SORCS1: variants seen among roughly 807,000 people sequenced by gnomAD.
SORCS1 encodes the protein VPS10 domain-containing receptor SorCS1.
Under a neutral mutation model 146.1 loss-of-function variants are expected in SORCS1, and 60 were observed. The ratio of observed to expected loss-of-function variants is 0.41; its 90% CI spans 0.33 to 0.51. The LOEUF is 0.51. Ranked by LOEUF, SORCS1 falls within the 20% of genes least tolerant of loss-of-function variation. SORCS1 has a pLI of 0.21. For synonymous variants in SORCS1, 637 were observed against 584.0 expected (o/e 1.09, Z -1.31); for missense variants, 1,352 against 1,487.6 (o/e 0.91, Z 1.50).
At chr10:106,668,429 C>T (rs1003068776) in intron 16 of SORCS1, among the ~76,000 whole-genome samples, 15 of 152,188 alleles carry the variant, frequency 9.9e-5, no homozygotes, top group Non-Finnish European at 1.3e-4. Flanking sequence ...CTCTCTACTT[C>T]GGAAATAGCC....
chr10:106,819,100 T>C (rs558735918), intron 3 of SORCS1, among the ~76,000 whole-genome samples: 9 of 152,326 alleles, frequency 5.9e-5, no homozygotes, highest in South Asian at 2.1e-4. Context: ...GGCATGGCCA[T>C]ATAATTTGGA....
chr10:106,885,434 G>C (rs879577029), intron 2 of SORCS1, among the ~76,000 whole-genome samples: 4 of 152,144 alleles, frequency 2.6e-5, no homozygotes, highest in Non-Finnish European at 4.4e-5. Context: ...CTGAAGAAAA[G>C]AATTCATGGC....
chr10:106,962,826 T>C (rs904828088), intron 1 of SORCS1, among the ~76,000 whole-genome samples: 2 of 152,148 alleles, frequency 1.3e-5, no homozygotes, highest in African/African-American at 2.4e-5. Context: ...AACAACCATA[T>C]TGAAGATGCC....
chr10:106,814,081 C>T (rs540115553), intron 3 of SORCS1, among the ~76,000 whole-genome samples: 6 of 152,174 alleles, frequency 3.9e-5, no homozygotes, highest in Non-Finnish European at 8.8e-5. Flanking sequence ...TTCCTAGAAA[C>T]CAGTACTGAG....
rs766818370 is a variant in SORCS1, at chr10:106,970,336, C to CTTT, written c.559-13759_559-13757dup. Among the ~76,000 whole-genome samples the CTTT allele has an allele frequency of 6.4e-4, 57 of 89,422 alleles. 5 individuals carry two copies. The highest frequency in any genetic ancestry group is 1.1e-3 in the African/African-American group (20 of 18,458). The allele number at this position is 89,422 out of a possible 152,430, so 58.7% of individuals were successfully genotyped here. On this transcript the variant is annotated intron_variant, in intron 1 of 25. Transcript: ENST00000263054. ...TTCCCTCCAAATGTAACCAACATCT[C>CTTT]TTTTTTTTTTTTTTTTTTTGAGATG... is the stretch of plus-strand genomic sequence containing the variant.
At chr10:106,749,855 G>C (rs1417085494) in intron 5 of SORCS1, among the ~76,000 whole-genome samples, 1 of 152,052 alleles carries the variant, frequency 6.6e-6, no homozygotes, top group Non-Finnish European at 1.5e-5. Flanking sequence ...ACTCTTATGA[G>C]GACCATTTTA....
At chr10:106,701,235 A>T (rs1854118556) in intron 8 of SORCS1, among the ~76,000 whole-genome samples, 1 of 152,152 alleles carries the variant, frequency 6.6e-6, no homozygotes, top group African/African-American at 2.4e-5. Context: ...CACAGGTCCA[A>T]GTGTATGGAT....
At chr10:107,151,846 T>TG (rs1033186856) in intron 1 of SORCS1, among the ~76,000 whole-genome samples, 13 of 152,152 alleles carry the variant, frequency 8.5e-5, no homozygotes, top group Non-Finnish European at 1.3e-4. Context: ...AGAGAAATTC[T>TG]GGGGGGAGAA....
At position 106,709,270 on chromosome 10, in the gene SORCS1, T is replaced by C. The variant is rs764586725; in HGVS notation, c.1096A>G (p.Ile366Val). ...ANRNQPFPGY[I>V]DPDSLIVQDH... ...TGAACAATCAAAGAGTCTGGGTCAA[T>C]GTAGCCTGGAAAAGGCTGATTCCTG... Residue 366 changes from isoleucine (I) to valine (V), a missense_variant, in exon 7 of 26, where the codon ATT (isoleucine) becomes GTT (valine). This residue lies in a region of SORCS1 where 490 missense variants were observed against 489.1 expected (regional missense o/e 1.00). Transcript: ENST00000263054. 23 of 1,613,748 alleles carry C rather than the reference T, an allele frequency of 1.4e-5. No homozygotes were observed. The highest frequency in any genetic ancestry group is 1.7e-5 in the Admixed American group (1 of 59,978).
At chr10:107,034,038 CTG>C (rs1467469701) in intron 1 of SORCS1, among the ~76,000 whole-genome samples, 1 of 152,172 alleles carries the variant, frequency 6.6e-6, no homozygotes, top group Non-Finnish European at 1.5e-5. Context: ...GGTGGGAAAA[CTG>C]TTAATCAGCA....
chr10:106,931,567 C>T (rs1486353967), intron 2 of SORCS1, among the ~76,000 whole-genome samples: 1 of 152,136 alleles, frequency 6.6e-6, no homozygotes, highest in African/African-American at 2.4e-5. Context: ...GATGTTTGCT[C>T]GTTTGTAACT....
intron 1 of SORCS1, among the ~76,000 whole-genome samples, chr10:106,974,971 C>T (rs968228540): frequency 2.0e-5 from 3 of 152,308 alleles, no homozygotes; most frequent in African/African-American, 7.2e-5. Context: ...TCAGCAATGC[C>T]TGCAGCCCTC....
At chr10:106,984,903 G>A (rs1325548854) in intron 1 of SORCS1, among the ~76,000 whole-genome samples, 1 of 151,986 alleles carries the variant, frequency 6.6e-6, no homozygotes, top group East Asian at 1.9e-4. Context: ...TATAGGGCAA[G>A]CAGGCCGGGT....
At chr10:106,688,795 A>T (rs1320270693) in intron 9 of SORCS1, among the ~76,000 whole-genome samples, 4 of 152,214 alleles carry the variant, frequency 2.6e-5, no homozygotes, top group Non-Finnish European at 5.9e-5. Flanking sequence ...GCTCATCCAA[A>T]CAAAGTGACT....
chr10:106,649,013 G>A (rs377209747), intron 18 of SORCS1, among the ~76,000 whole-genome samples: 71 of 152,118 alleles, frequency 4.7e-4, no homozygotes, highest in African/African-American at 1.7e-3. Context: ...CTGAGTGGCC[G>A]GACTCCAGTG....
intron 3 of SORCS1, among the ~76,000 whole-genome samples, chr10:106,821,599 A>C (rs1281560254): frequency 6.6e-6 from 1 of 152,230 alleles, no homozygotes; most frequent in East Asian, 1.9e-4. Context: ...TATGTTAATT[A>C]AGCAGGAAGC....
chr10:106,708,893 T>C (rs202171120), intron 7 of SORCS1, among the ~76,000 whole-genome samples: 7 of 152,084 alleles, frequency 4.6e-5, no homozygotes, highest in South Asian at 2.1e-4. Context: ...GGGAGCTTCT[T>C]TGGAATGCAG....
Position 106,970,905 on chromosome 10 carries a change from ATTTT to A in SORCS1, c.559-14329_559-14326del, listed in dbSNP as rs34657393. ...AGGCACCCGCCACCATGCACAGCTA[ATTTT>A]TTTTTTTTTTTTTTTTTTTCAGTAG... On this transcript the variant is annotated intron_variant, in intron 1 of 25. Transcript: ENST00000263054. 1.9e-4 allele frequency among the ~76,000 whole-genome samples: 18 copies of A among 96,478 alleles called. 1 individual carries two copies. The highest frequency in any genetic ancestry group is 7.1e-3 in the Middle Eastern group (1 of 140). The allele number at this position is 96,478 out of a possible 152,430, so 63.3% of individuals were successfully genotyped here. A position where few individuals can be genotyped will look rare whatever the true frequency, so the allele number is the denominator to read the frequency against.
chr10:106,853,412 CA>C (rs774425857), intron 2 of SORCS1, among the ~76,000 whole-genome samples: 1 of 146,158 alleles, frequency 6.8e-6, no homozygotes, highest in South Asian at 2.2e-4. Flanking sequence ...TTTTTTTTTC[CA>C]AAAAAACAGG....
Sources: gnomAD v4.1 joint callset for allele counts (sites outside exome capture counted in the v4.1 genomes callset) on GRCh38, gnomAD v4.1.1 for gene constraint, gnomAD v4.1.1 regional missense constraint, MANE v1.5 for transcripts, NCBI Gene and HGNC (gene_info 2026-07-23, HGNC 2026-07-21) for gene names.